Variants in REEP5 observed in about 807,000 individuals in gnomAD.
The protein encoded by REEP5 is receptor accessory protein 5.
Under a neutral mutation model 22.4 loss-of-function variants are expected in REEP5, and 24 were observed. That is an observed-to-expected ratio of 1.07 (90% CI 0.78 to 1.51). The LOEUF is 1.51. Ranked by LOEUF, REEP5 falls within the 40% of genes most tolerant of loss-of-function variation. REEP5 has a pLI of 0.00. For missense variants in REEP5, 252 were observed against 233.0 expected (o/e 1.08, Z -0.53); for synonymous variants, 103 against 88.6 (o/e 1.16, Z -0.92).
chr5:112,895,817 C>T (rs950239726), intron 3 of REEP5: 2 of 152,222 alleles, frequency 1.3e-5, no homozygotes, highest in African/African-American at 2.4e-5. Flanking sequence ...AGATCTGGCT[C>T]TTTTCAATCA....
chr5:112,902,170 C>T (rs573505785), intron 3 of REEP5, among the ~76,000 whole-genome samples: 2 of 151,886 alleles, frequency 1.3e-5, no homozygotes, highest in East Asian at 3.9e-4. Context: ...GCCTATGGTC[C>T]CAGCTACTCG....
chr5:112,915,809 G>C (rs879482945), intron 2 of REEP5, among the ~76,000 whole-genome samples: 2 of 151,252 alleles, frequency 1.3e-5, no homozygotes, highest in Non-Finnish European at 2.9e-5. Flanking sequence ...TGGGAACATA[G>C]GCAGCTCAGT....
At chr5:112,906,945 AAAGTTGGACGTAG>A (rs1768968941) in intron 2 of REEP5, among the ~76,000 whole-genome samples, 2 of 152,234 alleles carry the variant, frequency 1.3e-5, no homozygotes, top group African/African-American at 4.8e-5. Context: ...AAAGAGAAGA[AAAGTTGGACGTAG>A]AAGTCAAACT....
At chr5:112,884,312 C>G (rs61431998) in intron 4 of REEP5, among the ~76,000 whole-genome samples, 1 of 152,122 alleles carries the variant, frequency 6.6e-6, no homozygotes, top group Non-Finnish European at 1.5e-5. Context: ...TTTTGTTGCT[C>G]CCACCTCCGG....
Position 112,902,408 on chromosome 5 carries a change from G to C in REEP5, c.323C>G (p.Ser108Ter). The change falls in exon 3 of 5, where the codon TCA becomes TGA. Residue 108 changes from serine (S) to a stop codon, truncating the protein, a stop_gained. Coordinates refer to ENST00000379638, the MANE Select transcript of REEP5 (RefSeq NM_005669.5). LOFTEE classifies it high-confidence loss of function. ...CAGCATGTAGTAGAAGGGGAACCAT[G>C]ACAGGAAGATATCAGAGAAGAATTC... ...IAEFFSDIFL[S>*]WFPFYYMLKC... 6.2e-7 allele frequency: 1 copy of C among 1,613,026 alleles called. No individual in the cohort carries two copies. Among genetic ancestry groups the C allele is most frequent in the Non-Finnish European group, 8.5e-7 (1 of 1,179,688 alleles).
chr5:112,887,612 C>A (rs1174798903), intron 3 of REEP5, among the ~76,000 whole-genome samples: 4 of 152,164 alleles, frequency 2.6e-5, no homozygotes, highest in African/African-American at 9.7e-5. Flanking sequence ...AAGTTTATCA[C>A]ATTTATTCAT....
Position 112,921,558 on chromosome 5 carries a change from C to G in REEP5, c.119-302G>C, listed in dbSNP as rs915680417. ...TCCCAGGCACCCGCTTCCGCCCTCT[C>G]GCAGGGCCTGCTGGGCAGCGCTCCA... On this transcript the variant is annotated intron_variant, in intron 1 of 4. Coordinates refer to ENST00000379638, the MANE Select transcript of REEP5 (RefSeq NM_005669.5). 9 of 435,866 alleles carry G rather than the reference C, an allele frequency of 2.1e-5. 1 individual carries two copies. Among genetic ancestry groups the G allele is most frequent in the Non-Finnish European group, 3.8e-5 (9 of 235,842 alleles). 27.0% of individuals were successfully genotyped at this position (435,866 alleles called of 1,614,324 possible).
chr5:112,891,953 TAGA>T (rs762179897), intron 3 of REEP5: 3 of 1,250,066 alleles, frequency 2.4e-6, no homozygotes, highest in African/African-American at 2.9e-5. Flanking sequence ...AAAAAATGGC[TAGA>T]AGAACAAGAG....
chr5:112,918,685 T>C (rs1201866215), intron 2 of REEP5, among the ~76,000 whole-genome samples: 1 of 152,102 alleles, frequency 6.6e-6, no homozygotes, highest in African/African-American at 2.4e-5. Flanking sequence ...AATCAGAAAA[T>C]GCAAACTCCC....
At position 112,879,345 on chromosome 5, in the gene REEP5, G is replaced by A. The variant is rs990944243; in HGVS notation, c.521-510C>T. On this transcript the variant is annotated intron_variant, in intron 4 of 4. Coordinates refer to ENST00000379638, the MANE Select transcript of REEP5 (RefSeq NM_005669.5). ...GTGTTTGGGGGGGGGGGCTGGGGGG[G>A]CGGTGGGGGAGAGGAGATTAGTTCC... 2.3e-5 allele frequency among the ~76,000 whole-genome samples: 3 copies of A among 128,842 alleles called. 1 individual carries two copies. Among genetic ancestry groups the A allele is most frequent in the Admixed American group, 7.9e-5 (1 of 12,612 alleles). 84.5% of individuals were successfully genotyped at this position (128,842 alleles called of 152,430 possible). A position where few individuals can be genotyped will look rare whatever the true frequency, so the allele number is the denominator to read the frequency against.
intron 3 of REEP5, chr5:112,892,209 C>T (rs780495653): frequency 1.1e-5 from 17 of 1,614,126 alleles, no homozygotes; most frequent in Admixed American, 1.7e-5. Flanking sequence ...GATTTGGAGA[C>T]AGATGTTCAC....
chr5:112,913,990 CA>C (rs1244418811), intron 2 of REEP5, among the ~76,000 whole-genome samples: 1 of 151,470 alleles, frequency 6.6e-6, no homozygotes, highest in African/African-American at 2.4e-5. Flanking sequence ...CCCATCTCTA[CA>C]AAAAATACAA....
At chr5:112,881,683 T>A (rs919423888) in intron 4 of REEP5, among the ~76,000 whole-genome samples, 1 of 152,206 alleles carries the variant, frequency 6.6e-6, no homozygotes, top group African/African-American at 2.4e-5. Flanking sequence ...TCCCTTTCCC[T>A]GTCATCCCTG....
In REEP5 at chr5:112,922,158, C is replaced by A; in HGVS notation, c.33G>T (p.Arg11=). The change falls in exon 1 of 5, where the codon CGG becomes CGT. Residue 11 remains arginine, a synonymous_variant. Transcript: ENST00000379638. MSAAMRERFD[R]FLHEKNCMTD... ...TCATGCAGTTCTTCTCGTGCAGGAA[C>A]CGGTCGAACCTCTCCCTCATGGCCG... is the stretch of plus-strand genomic sequence containing the variant. 6.2e-7 allele frequency: 1 copy of A among 1,608,356 alleles called. No individual in the cohort carries two copies. Among genetic ancestry groups the A allele is most frequent in the East Asian group, 2.3e-5 (1 of 44,254 alleles).
chr5:112,922,091 T>C lies in REEP5; in HGVS notation c.100A>G (p.Arg34Gly), dbSNP rs776474374. 6.2e-7 allele frequency: 1 copy of C among 1,603,586 alleles called. No individual in the cohort carries two copies. Among genetic ancestry groups the C allele is most frequent in the Admixed American group, 1.7e-5 (1 of 58,724 alleles). ...AKLEAKTGVN[R>G]SFIALGVIGL... ...CACCCACCAAGAGCGATGAAGCTCC[T>C]GTTCACGCCGGTTTTGGCCTCGAGC... Residue 34 changes from arginine (R) to glycine (G), a missense_variant, in exon 1 of 5, where the codon AGG (arginine) becomes GGG (glycine). Physicochemically the swap from Arg to Gly is moderately radical, Grantham distance 125 (BLOSUM62 -2). Transcript: ENST00000379638.
At chr5:112,898,368 A>T (rs1485019326) in intron 3 of REEP5, 1 of 152,256 alleles carries the variant, frequency 6.6e-6, no homozygotes, top group Non-Finnish European at 1.5e-5. Flanking sequence ...TTTCATGAAC[A>T]CTATGATGCC....
chr5:112,900,118 G>A (rs1768809566), intron 3 of REEP5, among the ~76,000 whole-genome samples: 2 of 152,130 alleles, frequency 1.3e-5, no homozygotes, highest in Non-Finnish European at 2.9e-5. Flanking sequence ...CCACATCACT[G>A]GTGAGCTGTT....
At chr5:112,889,039 C>T (rs920664395) in intron 3 of REEP5, among the ~76,000 whole-genome samples, 3 of 150,764 alleles carry the variant, frequency 2.0e-5, no homozygotes, top group Admixed American at 1.3e-4. Context: ...TCTTGCCTGC[C>T]GCCACCATGT....
chr5:112,896,717 CA>C (rs1768690474), intron 3 of REEP5: 3 of 151,114 alleles, frequency 2.0e-5, no homozygotes. Context: ...GGGTGGATCA[CA>C]AGGTCAGGAG....
Sources: gnomAD v4.1 joint callset for allele counts (sites outside exome capture counted in the v4.1 genomes callset) on GRCh38, gnomAD v4.1.1 for gene constraint, MANE v1.5 for transcripts, NCBI Gene and HGNC (gene_info 2026-07-23, HGNC 2026-07-21) for gene names.